Variants in EPHA6 observed in about 807,000 individuals in gnomAD.
EPHA6 encodes the protein ephrin type-A receptor 6.
Under a neutral mutation model 112.0 loss-of-function variants are expected in EPHA6, and 50 were observed. That is an observed-to-expected ratio of 0.45 (90% CI 0.36 to 0.56). The LOEUF (loss-of-function observed/expected upper bound fraction) is 0.56, where lower values mean the gene tolerates loss of function less well. Ranked by LOEUF, EPHA6 falls within the 20% of genes least tolerant of loss-of-function variation. The pLI is 0.00. For missense variants in EPHA6, 1,280 were observed against 1,417.4 expected, an observed-to-expected ratio of 0.90 and a Z score of 1.56; for synonymous variants, 529 against 490.7, an observed-to-expected ratio of 1.08 and a Z score of -1.03.
chr3:97,538,981 C>CTCTTTCTTTCTTTCTTTCTT (rs796705721), intron 11 of EPHA6, among the ~76,000 whole-genome samples: 51 of 130,152 alleles, frequency 3.9e-4, no homozygotes, highest in African/African-American at 5.7e-4. Context: ...CACTTTCTCT[C>CTCTTTCTTTCTTTCTTTCTT]TCTTTCTTTC....
chr3:97,204,403 G>T (rs1189981302), intron 3 of EPHA6, among the ~76,000 whole-genome samples: 1 of 152,022 alleles, frequency 6.6e-6, no homozygotes, highest in Non-Finnish European at 1.5e-5. Context: ...TAATTCTCAA[G>T]ATAGTTGTAC....
intron 9 of EPHA6, among the ~76,000 whole-genome samples, chr3:97,482,222 C>T (rs188025147): frequency 1.3e-5 from 2 of 152,144 alleles, no homozygotes; most frequent in African/African-American, 4.8e-5. Flanking sequence ...GTTAAAACCA[C>T]ATATGAGTTA....
At chr3:97,703,099 A>T (rs578258939) in intron 14 of EPHA6, among the ~76,000 whole-genome samples, 2 of 152,282 alleles carry the variant, frequency 1.3e-5, no homozygotes, top group South Asian at 4.1e-4. Context: ...CTCGGGAAGC[A>T]TTTCTGACAG....
chr3:97,166,965 T>C (rs760625156), intron 3 of EPHA6, among the ~76,000 whole-genome samples: 11 of 152,108 alleles, frequency 7.2e-5, no homozygotes, highest in Non-Finnish European at 1.3e-4. Flanking sequence ...GGAATTCAAA[T>C]GACCACAATT....
intron 6 of EPHA6, among the ~76,000 whole-genome samples, chr3:97,442,457 G>A (rs1480517871): frequency 1.3e-5 from 2 of 151,972 alleles, no homozygotes; most frequent in Admixed American, 6.6e-5. Context: ...GTGGTGGCAC[G>A]TGCCTGTAGT....
chr3:96,845,757 A>G (rs193023999), intron 1 of EPHA6, among the ~76,000 whole-genome samples: 3 of 152,132 alleles, frequency 2.0e-5, no homozygotes, highest in African/African-American at 7.2e-5. Flanking sequence ...GTAAGATTCC[A>G]CTGGATTCAT....
intron 1 of EPHA6, among the ~76,000 whole-genome samples, chr3:96,851,789 A>G (rs1365673732): frequency 6.6e-6 from 1 of 152,046 alleles, no homozygotes; most frequent in African/African-American, 2.4e-5. Context: ...CTTGAAATAA[A>G]TTTAGTACGG....
chr3:97,187,424 G>T (rs1174496696), intron 3 of EPHA6, among the ~76,000 whole-genome samples: 1 of 151,740 alleles, frequency 6.6e-6, no homozygotes, highest in Non-Finnish European at 1.5e-5. Context: ...ACAAAAATTA[G>T]CTGGGCATGG....
chr3:97,243,925 A>G, intron 4 of EPHA6, 27 bp from the exon 5 acceptor site: 1 of 1,530,076 alleles, frequency 6.5e-7, no homozygotes, highest in South Asian at 1.2e-5. Context: ...ATATATGTAC[A>G]TTTGTTTTTT....
At chr3:97,502,344 T>A (rs1237800248) in intron 10 of EPHA6, among the ~76,000 whole-genome samples, 1 of 151,586 alleles carries the variant, frequency 6.6e-6, no homozygotes, top group Non-Finnish European at 1.5e-5. Context: ...AATTTTTGTA[T>A]TTTTAGTAGA....
intron 2 of EPHA6, among the ~76,000 whole-genome samples, chr3:96,890,762 A>G (rs1269363371): frequency 6.6e-6 from 1 of 152,214 alleles, no homozygotes; most frequent in Non-Finnish European, 1.5e-5. Context: ...ACTTTGGGAA[A>G]CTATTTGGCA....
intron 14 of EPHA6, among the ~76,000 whole-genome samples, chr3:97,677,061 A>G (rs1361112331): frequency 1.3e-5 from 2 of 152,160 alleles, no homozygotes; most frequent in Non-Finnish European, 2.9e-5. Flanking sequence ...ATTAATTTTG[A>G]TTTTAAAATT....
intron 3 of EPHA6, among the ~76,000 whole-genome samples, chr3:97,014,482 A>G (rs1407401128): frequency 6.7e-6 from 1 of 148,884 alleles, no homozygotes; most frequent in African/African-American, 2.5e-5. Context: ...CTGTTATGGC[A>G]TAAATATGCA....
intron 3 of EPHA6, among the ~76,000 whole-genome samples, chr3:97,088,922 G>A (rs6801621): frequency 0.085 from 12,959 of 152,092 alleles, 875 homozygotes; most frequent in Admixed American, 0.21. Flanking sequence ...GGAAGTTTGG[G>A]AAAAGTTTGG....
At chr3:96,870,113 A>G (rs1359646776) in intron 2 of EPHA6, among the ~76,000 whole-genome samples, 2 of 152,090 alleles carry the variant, frequency 1.3e-5, no homozygotes, top group Non-Finnish European at 2.9e-5. Flanking sequence ...TAGGAAATAT[A>G]TCTGTATCTG....
chr3:97,085,202 T>G (rs2046855117), intron 3 of EPHA6, among the ~76,000 whole-genome samples: 1 of 152,124 alleles, frequency 6.6e-6, no homozygotes, highest in Admixed American at 6.6e-5. Flanking sequence ...AGAAGGTACC[T>G]TATACAAGTT....
intron 11 of EPHA6, among the ~76,000 whole-genome samples, chr3:97,586,642 A>G (rs1467137464): frequency 1.3e-5 from 2 of 152,074 alleles, no homozygotes; most frequent in African/African-American, 2.4e-5. Flanking sequence ...ATGAAATTAG[A>G]TAGGAGACAG....
intron 10 of EPHA6, among the ~76,000 whole-genome samples, chr3:97,489,601 G>C (rs895861666): frequency 2.6e-5 from 4 of 151,424 alleles, no homozygotes; most frequent in African/African-American, 7.3e-5. Flanking sequence ...CAAGAGAATG[G>C]CATGAACCCG....
At chr3:97,597,985 C>G (rs1281336764) in intron 12 of EPHA6, among the ~76,000 whole-genome samples, 1 of 152,028 alleles carries the variant, frequency 6.6e-6, no homozygotes, top group African/African-American at 2.4e-5. Context: ...GGAAAATTGG[C>G]ATAAACTCAA....
Sources: gnomAD v4.1 joint callset for allele counts (sites outside exome capture counted in the v4.1 genomes callset) on GRCh38, gnomAD v4.1.1 for gene constraint, MANE v1.5 for transcripts, NCBI Gene and HGNC (gene_info 2026-07-23, HGNC 2026-07-21) for gene names.